Variants in UBXN2A observed in about 807,000 individuals in gnomAD.
The protein encoded by UBXN2A is UBX domain-containing protein 2A.
UBXN2A carries 28 observed loss-of-function variants against 28.4 expected under a neutral mutation model. The observed-to-expected ratio is 0.99, with a 90% CI of 0.73 to 1.35. The LOEUF (loss-of-function observed/expected upper bound fraction) is 1.35. Ranked by LOEUF, UBXN2A falls within the 40% of genes most tolerant of loss-of-function variation. The probability of loss-of-function intolerance (pLI) is 0.00; values close to 1 mark genes in which losing one functional copy is unlikely to be tolerated. For missense variants in UBXN2A, 253 were observed against 297.9 expected, an observed-to-expected ratio of 0.85 and a Z score of 1.11; for synonymous variants, 97 against 103.6, an observed-to-expected ratio of 0.94 and a Z score of 0.39.
upstream of UBXN2A, among the ~76,000 whole-genome samples, chr2:23,936,408 T>C (rs1255554060): frequency 6.6e-6 from 1 of 152,044 alleles, no homozygotes; most frequent in African/African-American, 2.4e-5. Flanking sequence ...GGCAAATTCA[T>C]AGAGACAGAA....
intron 6 of UBXN2A, chr2:23,996,854 T>G (rs569108176): frequency 1.3e-5 from 2 of 151,878 alleles, no homozygotes; most frequent in African/African-American, 4.8e-5. Context: ...ACAGGTGCGA[T>G]CCCACTACTG....
intron 3 of UBXN2A, among the ~76,000 whole-genome samples, chr2:23,972,477 GA>G (rs200029107): frequency 8.6e-5 from 13 of 150,708 alleles, no homozygotes; most frequent in East Asian, 1.9e-4. Context: ...CTTCCAAGGG[GA>G]AAAAAAAACT....
chr2:23,999,689 A>C lies in UBXN2A; in HGVS notation c.602A>C (p.Asp201Ala), dbSNP rs779836317. ...TTTTACAGAGTAAGCCATATCAAAG[A>C]CTTCATTGAAAAATACCAAGGATCT... The part of the protein sequence containing the change: ...NITHRVSHIK[D>A]FIEKYQGSQR... Residue 201 changes from aspartate (D) to alanine (A), a missense_variant, in exon 7 of 7, where the codon GAC becomes GCC. Coordinates refer to ENST00000309033, the MANE Select transcript of UBXN2A (RefSeq NM_181713.4). 19 of 1,613,678 alleles carry C rather than the reference A, an allele frequency of 1.2e-5. No individual in the cohort carries two copies. The highest frequency in any genetic ancestry group is 1.7e-4 in the Middle Eastern group (1 of 6,054).
chr2:23,984,202 A>G (rs1270187162), intron 5 of UBXN2A, among the ~76,000 whole-genome samples: 1 of 152,194 alleles, frequency 6.6e-6, no homozygotes, highest in Non-Finnish European at 1.5e-5. Context: ...AAGATTGGTA[A>G]GGTGCATACA....
At position 24,001,804 on chromosome 2, in the gene UBXN2A, A is replaced by C. The variant is rs2150930660; in HGVS notation, c.*1937A>C. 6.6e-6 allele frequency: 1 copy of C among 151,706 alleles called. No homozygotes were observed. Among genetic ancestry groups the C allele is most frequent in the South Asian group, 2.1e-4 (1 of 4,790 alleles). The allele number at this position is 151,706 out of a possible 1,614,324, so 9.4% of individuals were successfully genotyped here. ...GAATCCCCGTCTCTACTAAAAATAC[A>C]AAAAAAATTAGCTGGGTGTGGTGGC... is the stretch of plus-strand genomic sequence containing the variant. On this transcript the variant is annotated 3_prime_UTR_variant, in exon 7 of 7. Transcript: ENST00000309033.
At chr2:23,936,652 C>T (rs1013242713), upstream of UBXN2A, among the ~76,000 whole-genome samples, 2 of 152,084 alleles carry the variant, frequency 1.3e-5, no homozygotes, top group African/African-American at 4.8e-5. Context: ...TAACATCATA[C>T]TCAATGGTGA....
chr2:23,960,362 A>C (rs1175709355), intron 2 of UBXN2A, among the ~76,000 whole-genome samples: 1 of 152,186 alleles, frequency 6.6e-6, no homozygotes, highest in Non-Finnish European at 1.5e-5. Context: ...ATATTAACTC[A>C]TTTCTGCGCA....
chr2:23,944,051 C>T, intron 1 of UBXN2A: 2 of 591,234 alleles, frequency 3.4e-6, no homozygotes, highest in East Asian at 3.4e-5. Context: ...TGTCGATGTC[C>T]ATCTGCCACC....
intron 5 of UBXN2A, among the ~76,000 whole-genome samples, chr2:23,984,398 A>G (rs1708039760): frequency 6.6e-6 from 1 of 152,184 alleles, no homozygotes; most frequent in Admixed American, 6.5e-5. Context: ...CTTCTTTAAA[A>G]TTATCCATTC....
At chr2:23,937,762 T>G (rs564528867), upstream of UBXN2A, among the ~76,000 whole-genome samples, 6 of 152,224 alleles carry the variant, frequency 3.9e-5, no homozygotes, top group Non-Finnish European at 8.8e-5. Context: ...GGTCTAAGTA[T>G]GGTCATGTAG....
At chr2:23,963,853 G>T (rs1224336586) in intron 2 of UBXN2A, among the ~76,000 whole-genome samples, 2 of 152,196 alleles carry the variant, frequency 1.3e-5, no homozygotes, top group Non-Finnish European at 2.9e-5. Context: ...AAGAGACTGG[G>T]TGCCGTGGCT....
chr2:23,967,189 A>G (rs564686311), intron 2 of UBXN2A, among the ~76,000 whole-genome samples: 127 of 152,250 alleles, frequency 8.3e-4, no homozygotes, highest in African/African-American at 3.0e-3. Context: ...ACTCGTCTTC[A>G]TATCTCCCTG....
At position 23,933,879 on chromosome 2, in the gene UBXN2A, AT is replaced by A. The variant is rs549866222; in HGVS notation, c.-137-5660del. Among the ~76,000 whole-genome samples the A allele has an allele frequency of 3.7e-3, 570 of 152,322 alleles. 4 individuals carry two copies. Among genetic ancestry groups the A allele is most frequent in the African/African-American group, 0.013 (541 of 41,576 alleles). ...CCATGGGACTGCATCTTTAAGAGCC[AT>A]GAAACATTTGAGAAACACGAAATCA... On this transcript the variant is annotated intron_variant, in intron 1 of 7. Coordinates refer to the UBXN2A transcript ENST00000404924.
Position 24,004,067 on chromosome 2 carries a change from A to G in UBXN2A, c.*4200A>G, listed in dbSNP as rs1197880981. On this transcript the variant is annotated 3_prime_UTR_variant, in exon 7 of 7. Transcript: ENST00000309033. ...TATGGAGAAAGACCTGTTGTCATCAATAACCTTCATTATTCTAACTGTGAA... is the reference window on the plus strand; with the variant it reads ...TATGGAGAAAGACCTGTTGTCATCAGTAACCTTCATTATTCTAACTGTGAA... The G allele has an allele frequency of 6.6e-6, 1 of 152,268 alleles. No individual in the cohort carries two copies. The highest frequency in any genetic ancestry group is 6.5e-5 in the Admixed American group (1 of 15,280). The allele number at this position is 152,268 out of a possible 1,614,324, so 9.4% of individuals were successfully genotyped here.
intron 1 of UBXN2A, among the ~76,000 whole-genome samples, chr2:23,955,163 C>T (rs1286819481): frequency 6.6e-6 from 1 of 152,048 alleles, no homozygotes; most frequent in Non-Finnish European, 1.5e-5. Flanking sequence ...GATCTCCTGA[C>T]CTTGTGATTC....
At chr2:23,981,954 T>C (rs556796319) in intron 4 of UBXN2A, among the ~76,000 whole-genome samples, 4 of 152,118 alleles carry the variant, frequency 2.6e-5, no homozygotes, top group Admixed American at 1.3e-4. Context: ...CTGGGCCACA[T>C]TGGAAGAAGA....
chr2:23,997,376 A>G (rs1269500080), intron 6 of UBXN2A, among the ~76,000 whole-genome samples: 2 of 152,200 alleles, frequency 1.3e-5, no homozygotes, highest in Non-Finnish European at 2.9e-5. Context: ...TAAAATAGCA[A>G]TTTACATAAG....
At chr2:23,930,063 T>C (rs1389545936) in intron 1 of UBXN2A, among the ~76,000 whole-genome samples, 1 of 152,038 alleles carries the variant, frequency 6.6e-6, no homozygotes, top group Non-Finnish European at 1.5e-5. Flanking sequence ...TAATTTTTTG[T>C]AGTTTTAGTA....
intron 3 of UBXN2A, 107 bp from the exon 4 acceptor site, chr2:23,976,862 T>C (rs1184152456): frequency 1.2e-6 from 1 of 857,544 alleles, no homozygotes; most frequent in Non-Finnish European, 1.8e-6. Flanking sequence ...ATTACAGGAG[T>C]GAACCACCCC....
Sources: gnomAD v4.1 joint callset for allele counts (sites outside exome capture counted in the v4.1 genomes callset) on GRCh38, gnomAD v4.1.1 for gene constraint, MANE v1.5 for transcripts, NCBI Gene and HGNC (gene_info 2026-07-23, HGNC 2026-07-21) for gene names.